The following RNLS variants were observed in gnomAD, a reference collection of about 807,000 sequenced individuals.
RNLS encodes the protein renalase.
Under a neutral mutation model 39.8 loss-of-function variants are expected in RNLS, and 39 were observed. That is an observed-to-expected ratio of 0.98 (90% CI 0.76 to 1.28). The LOEUF (loss-of-function observed/expected upper bound fraction) is 1.28. Among genes scored for constraint, RNLS ranks in the 50% most tolerant of loss-of-function variants. RNLS has a pLI of 0.00. For missense variants in RNLS, 410 were observed against 413.3 expected (o/e 0.99, Z 0.07); for synonymous variants, 147 against 150.7 (o/e 0.98, Z 0.18).
rs1408793585 is a variant in RNLS at position 88,448,456 on chromosome 10, T to C, written c.527-85731A>G. 3.9e-5 allele frequency among the ~76,000 whole-genome samples: 6 copies of C among 152,180 alleles called. 1 individual carries two copies. The East Asian group carries it at 5.8e-4, about 15-fold the overall frequency. ...AAATCAAAACCACAATGAGATACCATCTCACACCAGTTAGAATGGCGATCA... is the reference window on the plus strand; with the variant it reads ...AAATCAAAACCACAATGAGATACCACCTCACACCAGTTAGAATGGCGATCA... On this transcript the variant is annotated intron_variant, in intron 4 of 6. Coordinates refer to ENST00000331772, the MANE Select transcript of RNLS (RefSeq NM_001031709.3).
intron 4 of RNLS, among the ~76,000 whole-genome samples, chr10:88,522,624 G>A (rs2134202545): frequency 6.6e-6 from 1 of 152,082 alleles, no homozygotes; most frequent in South Asian, 2.1e-4. Context: ...CTCTATAAGG[G>A]TACTTATTAG....
chr10:88,475,389 A>G (rs1485562109), intron 4 of RNLS, among the ~76,000 whole-genome samples: 3 of 152,128 alleles, frequency 2.0e-5, no homozygotes, highest in African/African-American at 7.2e-5. Flanking sequence ...TCTCCCTAAA[A>G]ATTCTTCCTG....
chr10:88,404,705 G>T (rs1027608447), intron 4 of RNLS, among the ~76,000 whole-genome samples: 3 of 151,948 alleles, frequency 2.0e-5, no homozygotes, highest in Admixed American at 6.6e-5. Context: ...AACACAAGAT[G>T]AATAAAGAAC....
chr10:88,199,852 C>T, the RNLS span, among the ~76,000 whole-genome samples: 39 of 152,222 alleles, frequency 2.6e-4, no homozygotes, highest in African/African-American at 6.7e-4. Context: ...CCTTCCCTGA[C>T]GAGTGGTGGC....
intron 5 of RNLS, among the ~76,000 whole-genome samples, chr10:88,359,732 G>T (rs1197289364): frequency 6.6e-6 from 1 of 152,168 alleles, no homozygotes; most frequent in Non-Finnish European, 1.5e-5. Context: ...CCAATCATGA[G>T]ATAATTTATT....
At chr10:88,295,304 G>C (rs904724748) in intron 6 of RNLS, among the ~76,000 whole-genome samples, 3 of 151,750 alleles carry the variant, frequency 2.0e-5, no homozygotes, top group Non-Finnish European at 2.9e-5. Flanking sequence ...ATCTCTTTTG[G>C]CCACAGATTT....
intron 6 of RNLS, among the ~76,000 whole-genome samples, chr10:88,311,489 T>G (rs1845379930): frequency 6.6e-6 from 1 of 152,226 alleles, no homozygotes; most frequent in Admixed American, 6.5e-5. Flanking sequence ...ATTGCTTTTC[T>G]GTTTGTTTGA....
At chr10:88,187,170 ATATATATAATATATATAATATATATAAT>A in the RNLS span, among the ~76,000 whole-genome samples, 76 of 48,608 alleles carry the variant, frequency 1.6e-3, 4 homozygotes, top group South Asian at 0.033. Flanking sequence ...TATATATAAT[ATATATATAATATATATAATATATATAAT>A]ATATATATAA....
chr10:88,367,248 G>A (rs531641606), intron 4 of RNLS, among the ~76,000 whole-genome samples: 1 of 152,168 alleles, frequency 6.6e-6, no homozygotes, highest in South Asian at 2.1e-4. Context: ...TCTTCCTGCT[G>A]CAGGTAATCA....
chr10:88,380,363 C>CT (rs10565402), intron 4 of RNLS, among the ~76,000 whole-genome samples: 1,514 of 73,082 alleles, frequency 0.021, 210 homozygotes, highest in African/African-American at 0.048. Flanking sequence ...GGTTTTGTAT[C>CT]TTTTTTTTTT....
rs768939981 is a variant in RNLS, at chr10:88,524,956, C to CACACACAT, written c.526+47946_526+47947insATGTGTGT. ...CATATATATATATATATGGCACACA[C>CACACACAT]ATACATATATATATATATATATATA... On this transcript the variant is annotated intron_variant, in intron 4 of 6. Coordinates refer to ENST00000331772, the MANE Select transcript of RNLS (RefSeq NM_001031709.3). Among the ~76,000 whole-genome samples the CACACACAT allele has an allele frequency of 5.4e-4, 41 of 76,276 alleles. 1 individual carries two copies. Among genetic ancestry groups the CACACACAT allele is most frequent in the African/African-American group, 1.6e-3 (35 of 21,922 alleles). 50.0% of individuals were successfully genotyped at this position (76,276 alleles called of 152,430 possible). A position where few individuals can be genotyped will look rare whatever the true frequency, so the allele number is the denominator to read the frequency against.
At chr10:88,456,021 A>C (rs751406642) in intron 4 of RNLS, among the ~76,000 whole-genome samples, 1 of 152,238 alleles carries the variant, frequency 6.6e-6, no homozygotes, top group Non-Finnish European at 1.5e-5. Flanking sequence ...GATGTCAGCA[A>C]GAACATTCTT....
At chr10:88,207,076 A>C in the RNLS span, among the ~76,000 whole-genome samples, 1 of 152,266 alleles carries the variant, frequency 6.6e-6, no homozygotes, top group South Asian at 2.1e-4. Context: ...AAACGGAGAG[A>C]TTATCTAAAA....
At chr10:88,580,531 T>A (rs1015748982) in intron 3 of RNLS, among the ~76,000 whole-genome samples, 7 of 152,220 alleles carry the variant, frequency 4.6e-5, no homozygotes, top group South Asian at 2.1e-4. Context: ...CTTAACTGAA[T>A]TATGATTTAT....
intron 4 of RNLS, among the ~76,000 whole-genome samples, chr10:88,538,583 T>C (rs1231568602): frequency 6.6e-6 from 1 of 152,174 alleles, no homozygotes; most frequent in African/African-American, 2.4e-5. Flanking sequence ...TGAAATCTGA[T>C]TTTATTTTTC....
chr10:88,375,752 GTTCT>G (rs1176882429), intron 4 of RNLS, among the ~76,000 whole-genome samples: 2 of 152,140 alleles, frequency 1.3e-5, no homozygotes, highest in African/African-American at 4.8e-5. Context: ...AGTCTGCTAG[GTTCT>G]TTGGCTGGGC....
chr10:88,489,233 T>A (rs542310722), intron 4 of RNLS, among the ~76,000 whole-genome samples: 3 of 152,180 alleles, frequency 2.0e-5, no homozygotes, highest in Admixed American at 1.3e-4. Context: ...GTAAAGTTAT[T>A]AATTAAATGG....
chr10:88,535,115 G>T (rs1157306278), intron 4 of RNLS, among the ~76,000 whole-genome samples: 1 of 151,950 alleles, frequency 6.6e-6, no homozygotes, highest in Admixed American at 6.6e-5. Context: ...TATAACATGA[G>T]GATTAAATAA....
chr10:88,224,832 A>G, the RNLS span, among the ~76,000 whole-genome samples: 2 of 152,150 alleles, frequency 1.3e-5, no homozygotes, highest in African/African-American at 4.8e-5. Flanking sequence ...CTGAGCACTT[A>G]TTTTATGACA....
Sources: gnomAD v4.1 joint callset for allele counts (sites outside exome capture counted in the v4.1 genomes callset) on GRCh38, gnomAD v4.1.1 for gene constraint, MANE v1.5 for transcripts, NCBI Gene and HGNC (gene_info 2026-07-23, HGNC 2026-07-21) for gene names.